IL7: variants seen among roughly 807,000 people sequenced by gnomAD.
The protein encoded by IL7 is interleukin 7.
IL7 carries 3 observed loss-of-function variants against 21.6 expected under a neutral mutation model. That is an observed-to-expected ratio of 0.14 (90% CI 0.06 to 0.36). The LOEUF is 0.36. IL7 is among the 10% of genes least tolerant of loss of function. IL7 has a pLI of 1.00. For missense variants in IL7, 175 were observed against 200.2 expected (o/e 0.87, Z 0.76); for synonymous variants, 62 against 68.1 (o/e 0.91, Z 0.44).
intron 2 of IL7, among the ~76,000 whole-genome samples, chr8:78,745,314 A>G (rs1017926324): frequency 1.3e-5 from 2 of 152,368 alleles, no homozygotes; most frequent in African/African-American, 4.8e-5. Context: ...GTGTGTACAC[A>G]CGTATATATA....
At chr8:78,759,086 C>A (rs974783983) in intron 2 of IL7, among the ~76,000 whole-genome samples, 18 of 138,138 alleles carry the variant, frequency 1.3e-4, no homozygotes, top group Admixed American at 6.6e-4. Context: ...TTTAATCTGG[C>A]TTTGTTATTT....
downstream of IL7, among the ~76,000 whole-genome samples, chr8:78,732,141 AG>A (rs1434519108): frequency 1.3e-5 from 2 of 152,106 alleles, no homozygotes; most frequent in Non-Finnish European, 2.9e-5. Context: ...TAACCTACTT[AG>A]AAAAGTCCAT....
chr8:78,802,033 G>A (rs140893646), intron 1 of IL7, among the ~76,000 whole-genome samples: 208 of 152,336 alleles, frequency 1.4e-3, no homozygotes, highest in African/African-American at 4.5e-3. Context: ...CGCAAGGCAA[G>A]CGTGGCTTGT....
rs530227651 is a variant in IL7 at position 78,735,625 on chromosome 8, C to G, written c.414+849G>C. On this transcript the variant is annotated intron_variant, in intron 5 of 5. Transcript: ENST00000263851. ...ACCCAACCTTTCTTTTCTAAACTTT[C>G]CAAATTCTCTTAGTGAAAAGCCTTC... is the stretch of plus-strand genomic sequence containing the variant. Among the ~76,000 whole-genome samples, 36 of 152,104 alleles carry G rather than the reference C, an allele frequency of 2.4e-4. No homozygotes were observed. In the South Asian group the frequency reaches 3.5e-3, roughly 15 times the overall value.
At chr8:78,691,725 G>C (rs1309711229) in intron 3 of IL7, among the ~76,000 whole-genome samples, 1 of 151,894 alleles carries the variant, frequency 6.6e-6, no homozygotes, top group Non-Finnish European at 1.5e-5. Context: ...TTTTTGAAAA[G>C]TGATTGCTCT....
intron 3 of IL7, among the ~76,000 whole-genome samples, chr8:78,702,398 T>G (rs1479896835): frequency 6.6e-6 from 1 of 152,182 alleles, no homozygotes; most frequent in East Asian, 1.9e-4. Flanking sequence ...ATATATTTTA[T>G]CAATTTTTTA....
chr8:78,683,462 A>G (rs1244805278), intron 4 of IL7, among the ~76,000 whole-genome samples: 3 of 152,194 alleles, frequency 2.0e-5, no homozygotes, highest in Non-Finnish European at 4.4e-5. Context: ...CTCTGAAGCC[A>G]TGGCTCAACT....
chr8:78,797,052 A>G (rs1813876038), intron 2 of IL7, among the ~76,000 whole-genome samples: 1 of 152,042 alleles, frequency 6.6e-6, no homozygotes, highest in Admixed American at 6.6e-5. Context: ...TATCCATTCA[A>G]TAGACTGTTA....
intron 5 of IL7, among the ~76,000 whole-genome samples, chr8:78,719,986 TTTTTAA>T (rs1310400857): frequency 6.6e-6 from 1 of 151,820 alleles, no homozygotes; most frequent in Admixed American, 6.6e-5. Flanking sequence ...TGTTACAAGT[TTTTTAA>T]GGCATTATCT....
chr8:78,702,474 T>C (rs905901417), intron 3 of IL7, among the ~76,000 whole-genome samples: 2 of 152,232 alleles, frequency 1.3e-5, no homozygotes, highest in Non-Finnish European at 1.5e-5. Flanking sequence ...AGTTTAGCTC[T>C]GATTTTGACT....
intron 3 of IL7, among the ~76,000 whole-genome samples, chr8:78,691,808 A>G (rs1810221612): frequency 6.6e-6 from 1 of 151,908 alleles, no homozygotes; most frequent in Admixed American, 6.6e-5. Flanking sequence ...GGTTTGTGCT[A>G]TTGTTTCATA....
intron 3 of IL7, chr8:78,711,971 C>T (rs967091833): frequency 7.8e-7 from 1 of 1,274,922 alleles, no homozygotes; most frequent in Non-Finnish European, 1.0e-6. Flanking sequence ...TATGGGTACA[C>T]CTTTATATAT....
intron 2 of IL7, among the ~76,000 whole-genome samples, chr8:78,759,407 A>G (rs1812469616): frequency 7.1e-6 from 1 of 140,082 alleles, no homozygotes; most frequent in Non-Finnish European, 1.5e-5. Context: ...AGAGTCATGG[A>G]AAAAAGACAG....
chr8:78,778,193 T>G (rs7822120), intron 2 of IL7, among the ~76,000 whole-genome samples: 20 of 152,250 alleles, frequency 1.3e-4, no homozygotes, highest in African/African-American at 4.8e-4. Flanking sequence ...GCTCATTATT[T>G]AACAGCTTGC....
At chr8:78,747,188 C>CTTTTTTTTT (rs1191243585) in intron 2 of IL7, 9 of 233,612 alleles carry the variant, frequency 3.9e-5, no homozygotes, top group African/African-American at 1.9e-4. Flanking sequence ...TACTTCATTG[C>CTTTTTTTTT]TTTTTTTTTT....
chr8:78,781,575 C>T lies in IL7; in HGVS notation c.147+16497G>A, dbSNP rs191429888. ...TCTCTTCTGGCTTGTAGGGTTTCTG[C>T]TGAGAGGTTTGCTGTTATTCCGATG... On this transcript the variant is annotated intron_variant, in intron 2 of 5. Transcript: ENST00000263851. Among the ~76,000 whole-genome samples, 6 of 152,254 alleles carry T rather than the reference C, an allele frequency of 3.9e-5. No individual in the cohort carries two copies. The East Asian group carries it at 1.2e-3, about 29-fold the overall frequency.
chr8:78,775,599 C>G (rs1813106767), intron 2 of IL7, among the ~76,000 whole-genome samples: 1 of 152,114 alleles, frequency 6.6e-6, no homozygotes, highest in African/African-American at 2.4e-5. Flanking sequence ...TCCAACATCT[C>G]ATAGCCAAAG....
intron 4 of IL7, among the ~76,000 whole-genome samples, chr8:78,676,794 G>A (rs964864864): frequency 8.6e-5 from 13 of 151,630 alleles, no homozygotes; most frequent in African/African-American, 2.4e-4. Context: ...ATTTTTCAGA[G>A]TGTTCAGCTG....
Position 78,771,457 on chromosome 8 carries a change from T to C in IL7, c.147+26615A>G, listed in dbSNP as rs551923273. Among the ~76,000 whole-genome samples the C allele has an allele frequency of 1.1e-4, 17 of 152,144 alleles. No individual in the cohort carries two copies. In the South Asian group the frequency reaches 3.5e-3, roughly 31 times the overall value. On this transcript the variant is annotated intron_variant, in intron 2 of 5. Coordinates refer to ENST00000263851, the MANE Select transcript of IL7 (RefSeq NM_000880.4). ...GAGTACATCTAAGAACTTAGTTAAT[T>C]ATAGGCAAAGGAATTATCATTCTGC... is the stretch of plus-strand genomic sequence containing the variant.
Sources: allele counts gnomAD v4.1 joint callset (sites outside exome capture counted in the v4.1 genomes callset), GRCh38; gene constraint gnomAD v4.1.1; transcripts MANE v1.5; gene names NCBI Gene and HGNC (gene_info 2026-07-23, HGNC 2026-07-21).